Variants in CD2AP observed in about 807,000 individuals in gnomAD.
The protein encoded by CD2AP is CD2 associated protein, also known as CD2-associated protein.
CD2AP carries 46 observed loss-of-function variants against 85.1 expected under a neutral mutation model. The observed-to-expected ratio is 0.54, with a 90% confidence interval of 0.43 to 0.69. The LOEUF (loss-of-function observed/expected upper bound fraction) is 0.69. Ranked by LOEUF, CD2AP falls within the 30% of genes least tolerant of loss-of-function variation. The pLI, the probability that CD2AP is intolerant of heterozygous loss-of-function variation, is 0.00. For missense variants in CD2AP, 769 were observed against 729.5 expected (o/e 1.05, Z -0.62); for synonymous variants, 255 against 252.9 (o/e 1.01, Z -0.08).
rs1210479513 is a variant in CD2AP at position 47,625,511 on chromosome 6, C to A, written c.*1284C>A. On this transcript the variant is annotated 3_prime_UTR_variant, in exon 18 of 18. Transcript: ENST00000359314. ...AGTTGAATGCTTTAAAATGTTCTGT[C>A]TGTAGGTAACATCTAAAACACAAGT... 2.0e-5 allele frequency: 3 copies of A among 151,802 alleles called. No homozygotes were observed. The highest frequency in any genetic ancestry group is 7.2e-5 in the African/African-American group (3 of 41,414). The allele number at this position is 151,802 out of a possible 1,614,324, so 9.4% of individuals were successfully genotyped here. A position where few individuals can be genotyped will look rare whatever the true frequency, so the allele number is the denominator to read the frequency against.
chr6:47,508,488 A>G (rs1166260200), intron 2 of CD2AP, among the ~76,000 whole-genome samples: 2 of 151,336 alleles, frequency 1.3e-5, no homozygotes, highest in African/African-American at 4.9e-5. Context: ...CTTAGGGAAA[A>G]GTTGTGGCTG....
chr6:47,478,180 C>T lies in CD2AP; in HGVS notation c.-65C>T, dbSNP rs1765352288. On this transcript the variant is annotated 5_prime_UTR_variant, in exon 1 of 18. Transcript: ENST00000359314. Reference sequence around the variant, plus strand: ...GCCTCCAGCCGCGGGAGCGGCCGCGCGAGCCACCACTGGAGGAGGAGGAGG... The same window carrying T: ...GCCTCCAGCCGCGGGAGCGGCCGCGTGAGCCACCACTGGAGGAGGAGGAGG... 3 of 1,549,108 alleles carry T rather than the reference C, an allele frequency of 1.9e-6. No homozygotes were observed. Among genetic ancestry groups the T allele is most frequent in the Non-Finnish European group, 1.7e-6 (2 of 1,146,050 alleles).
chr6:47,573,864 A>G (rs1236143793), intron 5 of CD2AP, among the ~76,000 whole-genome samples, 200 bp from the exon 6 acceptor site: 1 of 152,096 alleles, frequency 6.6e-6, no homozygotes, highest in Non-Finnish European at 1.5e-5. Flanking sequence ...ACCTAAAATT[A>G]TTATCGTTTT....
At chr6:47,615,619 A>G (rs890122262) in intron 17 of CD2AP, among the ~76,000 whole-genome samples, 4 of 152,002 alleles carry the variant, frequency 2.6e-5, no homozygotes, top group Non-Finnish European at 5.9e-5. Context: ...TGATCCAAAC[A>G]TGGATCATCT....
At chr6:47,494,025 AG>A (rs1185936804) in intron 1 of CD2AP, among the ~76,000 whole-genome samples, 4 of 152,040 alleles carry the variant, frequency 2.6e-5, no homozygotes, top group African/African-American at 9.7e-5. Flanking sequence ...ATTTCCTGTC[AG>A]ATAACTAAAA....
Position 47,550,995 on chromosome 6 carries a change from G to T in CD2AP, c.421-3651G>T, listed in dbSNP as rs1228083884. Among the ~76,000 whole-genome samples, 4 of 152,178 alleles carry T rather than the reference G, an allele frequency of 2.6e-5. No homozygotes were observed. In the East Asian group the frequency reaches 7.7e-4, roughly 29 times the overall value. The stretch of plus-strand genomic sequence containing the variant: ...GGAGCTAAGCTATGAGGATGCAAAG[G>T]CATAAGAATGACACAATGGACTTTG... On this transcript the variant is annotated intron_variant, in intron 4 of 17. Transcript: ENST00000359314.
Position 47,566,323 on chromosome 6 carries a change from T to TATATATATATATATACACAC in CD2AP, c.542-7740_542-7739insTATATATATATATACACACA. 4.5e-3 allele frequency among the ~76,000 whole-genome samples: 490 copies of TATATATATATATATACACAC among 108,354 alleles called. 10 individuals are homozygous for TATATATATATATATACACAC. Among genetic ancestry groups the TATATATATATATATACACAC allele is most frequent in the South Asian group, 0.011 (31 of 2,874 alleles). 71.1% of individuals were successfully genotyped at this position (108,354 alleles called of 152,430 possible). A position where few individuals can be genotyped will look rare whatever the true frequency, so the allele number is the denominator to read the frequency against. On this transcript the variant is annotated intron_variant, in intron 5 of 17. Coordinates refer to ENST00000359314, the MANE Select transcript of CD2AP (RefSeq NM_012120.3). ...TAGAATATATATATATATATATATA[T>TATATATATATATATACACAC]ACACATACACATATATATATATGTA... is the stretch of plus-strand genomic sequence containing the variant.
chr6:47,548,411 G>A (rs1767423880), intron 4 of CD2AP, among the ~76,000 whole-genome samples: 1 of 152,060 alleles, frequency 6.6e-6, no homozygotes, highest in African/African-American at 2.4e-5. Context: ...GTCATTCAAG[G>A]CTACTGTGAA....
At chr6:47,579,898 C>T (rs1219090553) in intron 9 of CD2AP, 1 of 165,046 alleles carries the variant, frequency 6.1e-6, no homozygotes, top group African/African-American at 2.4e-5. Flanking sequence ...CACTCTGCCT[C>T]CTTACAGAAT....
intron 2 of CD2AP, among the ~76,000 whole-genome samples, chr6:47,529,685 T>G (rs1766820818): frequency 6.6e-6 from 1 of 152,250 alleles, no homozygotes; most frequent in Non-Finnish European, 1.5e-5. Context: ...CCCAGAGGTA[T>G]GCCACAGGAA....
intron 3 of CD2AP, among the ~76,000 whole-genome samples, chr6:47,543,015 G>T (rs927948244): frequency 3.3e-5 from 5 of 151,850 alleles, no homozygotes; most frequent in African/African-American, 9.7e-5. Flanking sequence ...GCTGGGCGTG[G>T]TGGCGCTCAC....
chr6:47,500,429 C>T (rs1265662427), intron 1 of CD2AP, among the ~76,000 whole-genome samples: 1 of 152,118 alleles, frequency 6.6e-6, no homozygotes, highest in African/African-American at 2.4e-5. Flanking sequence ...TGTGCATCCC[C>T]TTTCAGACAT....
chr6:47,521,708 G>T (rs1211947769), intron 2 of CD2AP, among the ~76,000 whole-genome samples: 1 of 152,008 alleles, frequency 6.6e-6, no homozygotes, highest in African/African-American at 2.4e-5. Context: ...GTTATGACTT[G>T]CTTCTGAAGG....
Position 47,609,102 on chromosome 6 carries a change from ATT to A in CD2AP, c.1633-12_1633-11del. The stretch of plus-strand genomic sequence containing the variant: ...AATATAATATTAAATAAAATCAGAA[ATT>A]TTTTTTTTACGTTTTCAGCCATCTG... On this transcript the variant is annotated intron_variant, in intron 15 of 17. Coordinates refer to ENST00000359314, the MANE Select transcript of CD2AP (RefSeq NM_012120.3). 1 of 1,467,740 alleles carries A rather than the reference ATT, an allele frequency of 6.8e-7. No homozygotes were observed. The highest frequency in any genetic ancestry group is 9.3e-7 in the Non-Finnish European group (1 of 1,077,210). The allele number at this position is 1,467,740 out of a possible 1,614,324, so 90.9% of individuals were successfully genotyped here. A position where few individuals can be genotyped will look rare whatever the true frequency, so the allele number is the denominator to read the frequency against.
At chr6:47,556,738 G>A (rs952361484) in intron 5 of CD2AP, among the ~76,000 whole-genome samples, 3 of 152,150 alleles carry the variant, frequency 2.0e-5, no homozygotes, top group Non-Finnish European at 4.4e-5. Flanking sequence ...TGGCATTTGG[G>A]TGGGTTCCAA....
intron 8 of CD2AP, among the ~76,000 whole-genome samples, chr6:47,578,361 G>A (rs1005918258): frequency 2.0e-5 from 3 of 151,690 alleles, no homozygotes; most frequent in South Asian, 2.1e-4. Flanking sequence ...ATCCCATTGC[G>A]CCTGATTAAT....
rs547101200 is a variant in CD2AP, at chr6:47,625,605, C to T, written c.*1378C>T. 1 of 151,718 alleles carries T rather than the reference C, an allele frequency of 6.6e-6. No homozygotes were observed. The highest frequency in any genetic ancestry group is 2.1e-4 in the South Asian group (1 of 4,800). 9.4% of individuals were successfully genotyped at this position (151,718 alleles called of 1,614,324 possible). On this transcript the variant is annotated 3_prime_UTR_variant, in exon 18 of 18. Transcript: ENST00000359314. ...AAAATTGTTTTATGCTTTATTATAT[C>T]GCAAATGAGTGTCAGATTTTTGAGT...
intron 4 of CD2AP, among the ~76,000 whole-genome samples, chr6:47,545,943 A>G (rs533563471): frequency 2.6e-5 from 4 of 152,304 alleles, no homozygotes; most frequent in South Asian, 2.1e-4. Context: ...TGACAAAACA[A>G]GGTTCTTTAC....
In CD2AP at chr6:47,511,827, G is replaced by A. The variant is rs570832453; in HGVS notation, c.165+8387G>A. Among the ~76,000 whole-genome samples, 22 of 152,248 alleles carry A rather than the reference G, an allele frequency of 1.4e-4. No homozygotes were observed. In the South Asian group the frequency reaches 2.9e-3, roughly 20 times the overall value. On this transcript the variant is annotated intron_variant, in intron 2 of 17. Transcript: ENST00000359314. ...TTCCTATTGGGACATTAAGGTGCAC[G>A]TTCATCCTGGCTAACACGGTGAAAC...
Sources: gnomAD v4.1 joint callset for allele counts (sites outside exome capture counted in the v4.1 genomes callset) on GRCh38, gnomAD v4.1.1 for gene constraint, MANE v1.5 for transcripts, NCBI Gene and HGNC (gene_info 2026-07-23, HGNC 2026-07-21) for gene names.